Variants in DOK6 observed in about 807,000 individuals in gnomAD.
DOK6 encodes docking protein 6, also known as downstream of tyrosine kinase 6.
In DOK6, 22 loss-of-function variants were observed where a neutral mutation model predicts 44.0. The observed-to-expected ratio is 0.50, with a 90% confidence interval of 0.36 to 0.71. The LOEUF is 0.71. Among genes scored for constraint, DOK6 ranks in the 30% least tolerant of loss-of-function variants. The pLI, the probability that DOK6 is intolerant of heterozygous loss-of-function variation, is 0.00. For missense variants in DOK6, 340 were observed against 416.4 expected (o/e 0.82, Z 1.60); for synonymous variants, 166 against 145.5 (o/e 1.14, Z -1.01).
At chr18:69,473,039 G>GT (rs1980160975) in intron 1 of DOK6, among the ~76,000 whole-genome samples, 1 of 152,124 alleles carries the variant, frequency 6.6e-6, no homozygotes, top group African/African-American at 2.4e-5. Flanking sequence ...CATATTTTAT[G>GT]TTTAGCTCAT....
chr18:69,545,411 A>T (rs1982376882), intron 1 of DOK6, among the ~76,000 whole-genome samples: 1 of 147,542 alleles, frequency 6.8e-6, no homozygotes, highest in South Asian at 2.2e-4. Flanking sequence ...AGGAAACTTC[A>T]TTTCTGTCTG....
chr18:69,794,023 A>T (rs1287004663), intron 7 of DOK6, among the ~76,000 whole-genome samples: 1 of 152,180 alleles, frequency 6.6e-6, no homozygotes, highest in African/African-American at 2.4e-5. Context: ...TGACAGAATT[A>T]TGAAGCTTCA....
chr18:69,760,660 T>A (rs995728717), intron 7 of DOK6, among the ~76,000 whole-genome samples: 3 of 151,680 alleles, frequency 2.0e-5, no homozygotes, highest in African/African-American at 7.3e-5. Context: ...TCCTGAAATC[T>A]TATTGGGAAG....
chr18:69,432,359 G>T (rs976669431), intron 1 of DOK6, among the ~76,000 whole-genome samples: 2 of 152,152 alleles, frequency 1.3e-5, no homozygotes, highest in African/African-American at 4.8e-5. Context: ...TGGGAGGATT[G>T]CTTGTACCCA....
chr18:69,568,976 A>G (rs1983051699), intron 2 of DOK6, among the ~76,000 whole-genome samples: 1 of 152,016 alleles, frequency 6.6e-6, no homozygotes, highest in Non-Finnish European at 1.5e-5. Context: ...ATGTACTACA[A>G]TGTAATAATA....
rs188920868 is a variant in DOK6, at chr18:69,642,550, C to T, written c.290-35184C>T. 5.6e-4 allele frequency among the ~76,000 whole-genome samples: 85 copies of T among 152,194 alleles called. No individual in the cohort carries two copies. In the East Asian group the frequency reaches 0.013, roughly 23 times the overall value. On this transcript the variant is annotated intron_variant, in intron 3 of 7. Coordinates refer to ENST00000382713, the MANE Select transcript of DOK6 (RefSeq NM_152721.6). The stretch of plus-strand genomic sequence containing the variant: ...ATTTGGTTATCATAATCTCTTTAGT[C>T]TCCTTTGATTTAGATTAATTTATCT...
chr18:69,612,464 T>TGTGTGCG lies in DOK6; in HGVS notation c.289+12966_289+12967insGTGTGCG, dbSNP rs1555717006. On this transcript the variant is annotated intron_variant, in intron 3 of 7. Coordinates refer to ENST00000382713, the MANE Select transcript of DOK6 (RefSeq NM_152721.6). ...GAGGGCGCATGTGTGCGAGCGTGCA[T>TGTGTGCG]ATGTATTTCTTGCTCTTTTCTAACA... Among the ~76,000 whole-genome samples the TGTGTGCG allele has an allele frequency of 1.6e-4, 23 of 147,522 alleles. 5 individuals are homozygous for TGTGTGCG. Among genetic ancestry groups the TGTGTGCG allele is most frequent in the African/African-American group, 2.2e-4 (9 of 40,074 alleles).
chr18:69,765,813 T>A (rs1979696533), intron 7 of DOK6, among the ~76,000 whole-genome samples: 1 of 152,148 alleles, frequency 6.6e-6, no homozygotes, highest in South Asian at 2.1e-4. Context: ...GCTTATTGCT[T>A]GATATCTAAA....
intron 7 of DOK6, among the ~76,000 whole-genome samples, chr18:69,797,365 G>A (rs1023167306): frequency 6.6e-6 from 1 of 152,066 alleles, no homozygotes; most frequent in African/African-American, 2.4e-5. Flanking sequence ...TTGTAAAGTT[G>A]TTAGAGTGTT....
chr18:69,685,887 T>C (rs759304405), intron 4 of DOK6, among the ~76,000 whole-genome samples: 37 of 152,302 alleles, frequency 2.4e-4, no homozygotes, highest in Admixed American at 1.4e-3. Flanking sequence ...TTAGTCGGCA[T>C]CACTAGACAC....
intron 1 of DOK6, among the ~76,000 whole-genome samples, chr18:69,415,520 G>T (rs1168270013): frequency 6.6e-6 from 1 of 152,030 alleles, no homozygotes; most frequent in Non-Finnish European, 1.5e-5. Flanking sequence ...AATTTTAAAT[G>T]ATCATTACTA....
At chr18:69,518,838 T>A (rs946890174) in intron 1 of DOK6, among the ~76,000 whole-genome samples, 7 of 152,144 alleles carry the variant, frequency 4.6e-5, no homozygotes, top group African/African-American at 7.2e-5. Context: ...CTTTAAATTA[T>A]GTATTGACGT....
At chr18:69,502,038 G>A (rs1981063289) in intron 1 of DOK6, among the ~76,000 whole-genome samples, 1 of 152,018 alleles carries the variant, frequency 6.6e-6, no homozygotes, top group Admixed American at 6.6e-5. Context: ...CAGAAGAGTT[G>A]CTTTTATTTA....
At chr18:69,608,546 T>A (rs1038864556) in intron 3 of DOK6, among the ~76,000 whole-genome samples, 8 of 152,190 alleles carry the variant, frequency 5.3e-5, no homozygotes, top group African/African-American at 1.9e-4. Flanking sequence ...AAAAAGTCAT[T>A]GAAATTTTGA....
At chr18:69,805,903 G>A (rs1169801751) in intron 7 of DOK6, among the ~76,000 whole-genome samples, 2 of 151,942 alleles carry the variant, frequency 1.3e-5, no homozygotes, top group African/African-American at 2.4e-5. Flanking sequence ...TATTATGACA[G>A]TAAAGTCTAT....
At chr18:69,645,615 T>G (rs1985051686) in intron 3 of DOK6, among the ~76,000 whole-genome samples, 1 of 152,098 alleles carries the variant, frequency 6.6e-6, no homozygotes, top group African/African-American at 2.4e-5. Flanking sequence ...GCTTGGCAGT[T>G]TCTTCATATT....
At chr18:69,469,071 G>A (rs985883020) in intron 1 of DOK6, among the ~76,000 whole-genome samples, 1 of 152,160 alleles carries the variant, frequency 6.6e-6, no homozygotes, top group African/African-American at 2.4e-5. Context: ...AAGGAACTGC[G>A]GGTTTGCTTA....
intron 7 of DOK6, among the ~76,000 whole-genome samples, chr18:69,806,150 A>T (rs1698917000): frequency 6.6e-6 from 1 of 151,960 alleles, no homozygotes; most frequent in African/African-American, 2.4e-5. Context: ...AGCCTTGTAT[A>T]GCCCCAGCCA....
At chr18:69,517,201 G>C (rs905176020) in intron 1 of DOK6, among the ~76,000 whole-genome samples, 8 of 152,096 alleles carry the variant, frequency 5.3e-5, no homozygotes, top group Non-Finnish European at 1.2e-4. Flanking sequence ...TCAAAGCCAA[G>C]ATTAACAAGT....
Sources: gnomAD v4.1 joint callset for allele counts (sites outside exome capture counted in the v4.1 genomes callset) on GRCh38, gnomAD v4.1.1 for gene constraint, MANE v1.5 for transcripts, NCBI Gene and HGNC (gene_info 2026-07-23, HGNC 2026-07-21) for gene names.